The following PTPN22 variants were observed in gnomAD, a reference collection of about 807,000 sequenced individuals.
PTPN22 encodes the protein protein tyrosine phosphatase non-receptor type 22, also known as tyrosine-protein phosphatase non-receptor type 22.
Under a neutral mutation model 103.3 loss-of-function variants are expected in PTPN22, and 85 were observed. The ratio of observed to expected loss-of-function variants is 0.82; its 90% CI spans 0.69 to 0.99. The LOEUF (loss-of-function observed/expected upper bound fraction) is 0.99, where lower values mean the gene tolerates loss of function less well. Ranked by LOEUF, PTPN22 falls within the 50% of genes least tolerant of loss-of-function variation. The pLI is 0.00. For missense variants in PTPN22, 865 were observed against 936.9 expected (o/e 0.92, Z 1.00); for synonymous variants, 323 against 310.2 (o/e 1.04, Z -0.43).
intron 9 of PTPN22, among the ~76,000 whole-genome samples, chr1:113,853,859 CTTTTTTTTTTT>C (rs894010114): frequency 1.5e-5 from 1 of 67,152 alleles, no homozygotes; most frequent in Admixed American, 2.2e-4. Flanking sequence ...TTTTTTTTTG[CTTTTTTTTTTT>C]TTTTTTTTTT....
rs1663353517 is a variant in PTPN22 at position 113,839,705 on chromosome 1, TAAGGAAA to T, written c.916-1092_916-1086del. 3.3e-5 allele frequency among the ~76,000 whole-genome samples: 5 copies of T among 152,020 alleles called. No homozygotes were observed. In the South Asian group the frequency reaches 1.0e-3, roughly 32 times the overall value. On this transcript the variant is annotated intron_variant, in intron 11 of 20. Transcript: ENST00000359785. ...AAAATCACTTAACAAAATAGGAATA[TAAGGAAA>T]TGTTCTCAACATGATAGAGGCCATA...
intron 1 of PTPN22, among the ~76,000 whole-genome samples, chr1:113,859,959 CTTTTT>C (rs35810164): frequency 8.7e-6 from 1 of 114,834 alleles, no homozygotes; most frequent in African/African-American, 3.4e-5. Context: ...AAAGCAGTCA[CTTTTT>C]TTTTTTTTTT....
chr1:113,849,514 G>A (rs1664363020), intron 10 of PTPN22, among the ~76,000 whole-genome samples: 1 of 151,944 alleles, frequency 6.6e-6, no homozygotes, highest in Admixed American at 6.6e-5. Flanking sequence ...TTTTTTCAAA[G>A]ATAATTTTAG....
At chr1:113,819,855 G>T (rs912880094) in intron 19 of PTPN22, 8 of 334,094 alleles carry the variant, frequency 2.4e-5, no homozygotes, top group Non-Finnish European at 3.7e-5. Context: ...TTCTTAAAAG[G>T]TTTCTTTTCT....
intron 1 of PTPN22, among the ~76,000 whole-genome samples, chr1:113,867,242 A>G (rs185647372): frequency 1.3e-5 from 2 of 152,126 alleles, no homozygotes; most frequent in Non-Finnish European, 2.9e-5. Flanking sequence ...TTACCCTAAA[A>G]CTTACCCTAA....
exon 15 of PTPN22, chr1:113,834,364 C>T: frequency 6.2e-7 from 1 of 1,613,966 alleles, no homozygotes; most frequent in Non-Finnish European, 8.5e-7. Context: ...AGATGTTCCA[C>T]CCCATTCCAG....
In PTPN22 at chr1:113,868,499, C is replaced by A. The variant is rs1666305359; in HGVS notation, c.87+3038G>T. Among the ~76,000 whole-genome samples, 3 of 150,680 alleles carry A rather than the reference C, an allele frequency of 2.0e-5. No individual in the cohort carries two copies. The South Asian group carries it at 6.2e-4, about 31-fold the overall frequency. On this transcript the variant is annotated intron_variant, in intron 1 of 20. Coordinates refer to ENST00000359785, the Ensembl canonical transcript of PTPN22. Reference sequence around the variant, plus strand: ...GCAAGCAGTCTAGCCTCATTCACTACTCCTCTACTCCCCCAAAGCTCTCTA... The same window carrying A: ...GCAAGCAGTCTAGCCTCATTCACTAATCCTCTACTCCCCCAAAGCTCTCTA...
At chr1:113,822,463 C>G (rs574094480) in intron 19 of PTPN22, among the ~76,000 whole-genome samples, 24 of 152,330 alleles carry the variant, frequency 1.6e-4, no homozygotes, top group Non-Finnish European at 2.5e-4. Context: ...AACTGCTCCT[C>G]CCTGATCTTT....
intron 11 of PTPN22, among the ~76,000 whole-genome samples, chr1:113,842,867 C>G (rs983644316): frequency 3.3e-5 from 5 of 150,836 alleles, no homozygotes; most frequent in African/African-American, 1.2e-4. Flanking sequence ...TTTGGGAGGC[C>G]GAGGCGGGCG....
exon 13 of PTPN22, chr1:113,838,098 T>C (rs778197188): frequency 4.2e-5 from 67 of 1,613,920 alleles, no homozygotes; most frequent in Middle Eastern, 1.6e-4. Flanking sequence ...AATATCTTCC[T>C]GCTGCATTTA....
intron 1 of PTPN22, among the ~76,000 whole-genome samples, chr1:113,870,032 A>G (rs1666446348): frequency 1.3e-5 from 2 of 152,286 alleles, no homozygotes; most frequent in South Asian, 4.1e-4. Context: ...CACATCTGCT[A>G]TCCGGTACCA....
At chr1:113,832,410 C>T (rs1257517985) in intron 16 of PTPN22, among the ~76,000 whole-genome samples, 1 of 152,146 alleles carries the variant, frequency 6.6e-6, no homozygotes, top group Non-Finnish European at 1.5e-5. Flanking sequence ...GATCTCTTGA[C>T]CTCGTGATCC....
At chr1:113,864,386 T>C (rs1262391003) in intron 1 of PTPN22, 2 of 168,136 alleles carry the variant, frequency 1.2e-5, no homozygotes, top group African/African-American at 3.4e-5. Context: ...CAAGACCCTG[T>C]CTCCAGAAAA....
chr1:113,820,523 G>T (rs1318830632), intron 19 of PTPN22, among the ~76,000 whole-genome samples: 1 of 151,960 alleles, frequency 6.6e-6, no homozygotes, highest in Non-Finnish European at 1.5e-5. Context: ...TTGTTATGCT[G>T]CTTTGTTTTG....
chr1:113,821,302 G>C (rs1387919848), intron 19 of PTPN22, among the ~76,000 whole-genome samples: 3 of 151,750 alleles, frequency 2.0e-5, no homozygotes, highest in Non-Finnish European at 4.4e-5. Context: ...GGATTTTTTT[G>C]TTTTGTTTTG....
intron 11 of PTPN22, among the ~76,000 whole-genome samples, chr1:113,843,902 G>C (rs1180540211): frequency 1.3e-5 from 2 of 152,062 alleles, no homozygotes; most frequent in Non-Finnish European, 2.9e-5. Flanking sequence ...TCTATGTCAT[G>C]CTGAGTAAAT....
intron 1 of PTPN22, among the ~76,000 whole-genome samples, chr1:113,868,036 G>A (rs527285973): frequency 6.6e-6 from 1 of 152,102 alleles, no homozygotes; most frequent in Non-Finnish European, 1.5e-5. Context: ...GTAAATGCTA[G>A]ATAAATTGTT....
intron 8 of PTPN22, 120 bp from the exon 9 acceptor site, chr1:113,854,657 C>G (rs1251658605): frequency 9.1e-7 from 1 of 1,097,786 alleles, no homozygotes. Context: ...GACAATTAAA[C>G]TTTCCAAACC....
chr1:113,866,587 A>T (rs1231103188), intron 1 of PTPN22, among the ~76,000 whole-genome samples: 2 of 152,210 alleles, frequency 1.3e-5, no homozygotes, highest in Non-Finnish European at 2.9e-5. Context: ...CTGCATCATC[A>T]ACTATTAAAA....
Sources: gnomAD v4.1 joint callset for allele counts (sites outside exome capture counted in the v4.1 genomes callset) on GRCh38, gnomAD v4.1.1 for gene constraint, MANE v1.5 for transcripts, NCBI Gene and HGNC (gene_info 2026-07-23, HGNC 2026-07-21) for gene names.